Variants in NLRP14 observed in about 807,000 individuals in gnomAD.
NLRP14 encodes the protein NLR family pyrin domain containing 14.
NLRP14 carries 105 observed loss-of-function variants against 94.7 expected under a neutral mutation model. The observed-to-expected ratio is 1.11, with a 90% CI of 0.95 to 1.30. The LOEUF (loss-of-function observed/expected upper bound fraction) is 1.30, where lower values mean the gene tolerates loss of function less well. NLRP14 is among the 50% of genes most tolerant of loss of function. The pLI, the probability that NLRP14 is intolerant of heterozygous loss-of-function variation, is 0.00. For synonymous variants in NLRP14, 508 were observed against 459.9 expected (o/e 1.10, Z -1.34); for missense variants, 1,362 against 1,254.1 (o/e 1.09, Z -1.30).
the NLRP14 span, among the ~76,000 whole-genome samples, chr11:7,086,228 T>C: frequency 3.3e-5 from 5 of 152,234 alleles, no homozygotes; most frequent in Non-Finnish European, 7.3e-5. Context: ...CTTTTGACAA[T>C]AACTATCCTA....
intron 1 of NLRP14, among the ~76,000 whole-genome samples, chr11:7,028,859 T>G (rs1852051968): frequency 6.6e-6 from 1 of 152,200 alleles, no homozygotes; most frequent in Admixed American, 6.5e-5. Context: ...ATAAAAATCT[T>G]TATCTTTTAT....
chr11:7,021,329 A>G (rs1401386351), intron 1 of NLRP14, among the ~76,000 whole-genome samples: 5 of 152,228 alleles, frequency 3.3e-5, no homozygotes, highest in African/African-American at 9.6e-5. Flanking sequence ...TGTGAACTAT[A>G]TATTTACAGT....
Position 7,038,767 on chromosome 11 carries a change from T to G in NLRP14, c.181T>G (p.Leu61Val). The G allele has an allele frequency of 1.2e-6, 2 of 1,613,552 alleles. No individual in the cohort carries two copies. Among genetic ancestry groups the G allele is most frequent in the Non-Finnish European group, 1.7e-6 (2 of 1,179,874 alleles). ...GGCCAGGCGGGAGGACCTGGCCAAT[T>G]TGATGAAGAAATATTATCCAGGAGA... ...KKARREDLAN[L>V]MKKYYPGEKA... Residue 61 changes from leucine (L) to valine (V), a missense_variant, in exon 2 of 12, where the codon TTG becomes GTG. By Grantham distance (32) the Leu-to-Val change is conservative. Transcript: ENST00000299481.
the NLRP14 span, chr11:7,090,054 C>T: frequency 1.9e-5 from 31 of 1,612,806 alleles, 1 homozygote; most frequent in Middle Eastern, 1.7e-4. Flanking sequence ...CGAGGAGTAC[C>T]GGGGCTACTC....
chr11:7,090,775 T>A, the NLRP14 span: 1 of 174,772 alleles, frequency 5.7e-6, no homozygotes, highest in Non-Finnish European at 1.4e-5. Context: ...ACTGAATCTT[T>A]GTTTCCAGTA....
At chr11:7,025,154 T>G (rs1286904945) in intron 1 of NLRP14, among the ~76,000 whole-genome samples, 1 of 152,126 alleles carries the variant, frequency 6.6e-6, no homozygotes, top group Non-Finnish European at 1.5e-5. Context: ...AAGGTATAAT[T>G]TCTATACTGT....
At chr11:7,045,584 T>G (rs976563187) in intron 4 of NLRP14, among the ~76,000 whole-genome samples, 2 of 152,140 alleles carry the variant, frequency 1.3e-5, no homozygotes, top group African/African-American at 2.4e-5. Flanking sequence ...CTTGAAAGAA[T>G]AATTTATTAT....
At chr11:7,078,200 AG>A in the NLRP14 span, among the ~76,000 whole-genome samples, 1 of 152,056 alleles carries the variant, frequency 6.6e-6, no homozygotes, top group Non-Finnish European at 1.5e-5. Context: ...GCACTTTGGG[AG>A]GCCAAGACGG....
intron 5 of NLRP14, among the ~76,000 whole-genome samples, chr11:7,049,094 T>C (rs1238580413): frequency 1.3e-5 from 2 of 152,216 alleles, no homozygotes; most frequent in South Asian, 2.1e-4. Context: ...CAGAAGGGCA[T>C]TGGGGACTAG....
At chr11:7,025,375 C>G (rs568739396) in intron 1 of NLRP14, among the ~76,000 whole-genome samples, 1 of 152,212 alleles carries the variant, frequency 6.6e-6, no homozygotes, top group East Asian at 1.9e-4. Context: ...GAATTCAGAG[C>G]CTGTATCACT....
intron 9 of NLRP14, among the ~76,000 whole-genome samples, 190 bp from the exon 10 acceptor site, chr11:7,062,143 T>C (rs1218462920): frequency 2.0e-5 from 3 of 152,066 alleles, no homozygotes; most frequent in Non-Finnish European, 4.4e-5. Context: ...CAGTTTTACC[T>C]GCTGGTTTAT....
chr11:7,022,413 T>A (rs1361371688), intron 1 of NLRP14, among the ~76,000 whole-genome samples: 1 of 152,178 alleles, frequency 6.6e-6, no homozygotes, highest in Non-Finnish European at 1.5e-5. Flanking sequence ...AATTGAAGAA[T>A]CTAAGAATAT....
At chr11:7,037,848 G>C (rs1449124612) in intron 1 of NLRP14, among the ~76,000 whole-genome samples, 1 of 152,182 alleles carries the variant, frequency 6.6e-6, no homozygotes, top group Admixed American at 6.5e-5. Flanking sequence ...AGAGCAGTAA[G>C]GTCATGGGAG....
In NLRP14 at chr11:7,056,158, AT is replaced by A. The variant is rs997436077; in HGVS notation, c.2292-1511del. On this transcript the variant is annotated intron_variant, in intron 6 of 11. Coordinates refer to ENST00000299481, the MANE Select transcript of NLRP14 (RefSeq NM_176822.4). ...TACATGTGAGAGGAGAGTGTTAATG[AT>A]TTTTTTTCTGATTTGAAAAAATCTT... is the stretch of plus-strand genomic sequence containing the variant. 4.6e-5 allele frequency among the ~76,000 whole-genome samples: 7 copies of A among 151,620 alleles called. No homozygotes were observed. In the East Asian group the frequency reaches 9.6e-4, roughly 21 times the overall value.
At chr11:7,050,706 C>T (rs970046084) in intron 6 of NLRP14, among the ~76,000 whole-genome samples, 2 of 152,062 alleles carry the variant, frequency 1.3e-5, no homozygotes, top group African/African-American at 4.8e-5. Flanking sequence ...TTTAAAAACT[C>T]TTATCGGTTT....
At chr11:7,073,976 T>C (rs1167214977), downstream of NLRP14, among the ~76,000 whole-genome samples, 1 of 152,152 alleles carries the variant, frequency 6.6e-6, no homozygotes, top group Non-Finnish European at 1.5e-5. Context: ...TGGGGAGTGC[T>C]GAAAATTCCA....
At chr11:7,057,898 T>C in intron 7 of NLRP14, 51 bp downstream of exon 7, 1 of 1,478,332 alleles carries the variant, frequency 6.8e-7, no homozygotes, top group Non-Finnish European at 9.5e-7. Context: ...TGGTTCTGTG[T>C]AGCTTAATTG....
At chr11:7,072,724 A>G (rs924489673), downstream of NLRP14, among the ~76,000 whole-genome samples, 2 of 152,166 alleles carry the variant, frequency 1.3e-5, no homozygotes, top group African/African-American at 4.8e-5. Context: ...GGTCATATAC[A>G]GGTCAAAGTC....
intron 10 of NLRP14, among the ~76,000 whole-genome samples, chr11:7,068,551 G>T (rs1266013832): frequency 6.6e-6 from 1 of 152,136 alleles, no homozygotes; most frequent in Non-Finnish European, 1.5e-5. Context: ...TAGAATTGTT[G>T]TCTGAGAACA....
Sources: allele counts gnomAD v4.1 joint callset (sites outside exome capture counted in the v4.1 genomes callset), GRCh38; gene constraint gnomAD v4.1.1; transcripts MANE v1.5; gene names NCBI Gene and HGNC (gene_info 2026-07-23, HGNC 2026-07-21).